Variants in CSMD3 observed in about 807,000 individuals in gnomAD.
The protein encoded by CSMD3 is CUB and sushi domain-containing protein 3.
In CSMD3, 177 loss-of-function variants were observed where a neutral mutation model predicts 435.2. The observed-to-expected ratio is 0.41, with a 90% CI of 0.36 to 0.46. CSMD3 has a LOEUF of 0.46. Among genes scored for constraint, CSMD3 ranks in the 20% least tolerant of loss-of-function variants. The pLI, the probability that CSMD3 is intolerant of heterozygous loss-of-function variation, is 0.34. For synonymous variants in CSMD3, 1,656 were observed against 1,520.5 expected, an observed-to-expected ratio of 1.09 and a Z score of -2.07; for missense variants, 4,265 against 4,504.6, an observed-to-expected ratio of 0.95 and a Z score of 1.52.
At chr8:112,393,391 T>C (rs1830602795) in intron 35 of CSMD3, among the ~76,000 whole-genome samples, 1 of 152,186 alleles carries the variant, frequency 6.6e-6, no homozygotes, top group Non-Finnish European at 1.5e-5. Context: ...AGTGTGAATG[T>C]TACCGCTTCA....
intron 23 of CSMD3, among the ~76,000 whole-genome samples, chr8:112,574,895 T>C (rs893974252): frequency 6.6e-6 from 1 of 151,906 alleles, no homozygotes; most frequent in Non-Finnish European, 1.5e-5. Flanking sequence ...GTAAAAATTA[T>C]GTTGTTGGAT....
chr8:113,325,468 C>T (rs140007938), intron 1 of CSMD3, among the ~76,000 whole-genome samples: 2,013 of 152,240 alleles, frequency 0.013, 21 homozygotes, highest in South Asian at 0.023. Flanking sequence ...TGACTTTCTC[C>T]TCCTTGCCTT....
intron 24 of CSMD3, among the ~76,000 whole-genome samples, chr8:112,558,482 A>G (rs1052963132): frequency 6.6e-6 from 1 of 151,932 alleles, no homozygotes; most frequent in Non-Finnish European, 1.5e-5. Context: ...GAACCGCAGC[A>G]TAAAAACAGA....
intron 14 of CSMD3, among the ~76,000 whole-genome samples, chr8:112,689,457 A>AAGTTAGTG (rs1316590252): frequency 6.6e-6 from 1 of 152,050 alleles, no homozygotes; most frequent in African/African-American, 2.4e-5. Flanking sequence ...AAGCAAAAAT[A>AAGTTAGTG]AGTTAGTGCA....
chr8:113,113,088 C>A (rs1021592109), intron 4 of CSMD3, among the ~76,000 whole-genome samples: 1 of 152,188 alleles, frequency 6.6e-6, no homozygotes, highest in Non-Finnish European at 1.5e-5. Context: ...CAGGAGTTCC[C>A]ACTGCACTAT....
chr8:112,227,755 A>G (rs1812703556), intron 70 of CSMD3, among the ~76,000 whole-genome samples: 1 of 152,162 alleles, frequency 6.6e-6, no homozygotes, highest in African/African-American at 2.4e-5. Context: ...ACCCCAAATG[A>G]AAATATCAAT....
chr8:112,301,178 T>G (rs1820886173), intron 53 of CSMD3, among the ~76,000 whole-genome samples: 1 of 151,994 alleles, frequency 6.6e-6, no homozygotes, highest in South Asian at 2.1e-4. Context: ...AAAAAGGAGA[T>G]AAAGCATAAA....
chr8:112,227,125 T>C (rs976036551), intron 70 of CSMD3, among the ~76,000 whole-genome samples: 3 of 152,112 alleles, frequency 2.0e-5, no homozygotes, highest in Non-Finnish European at 4.4e-5. Context: ...TATACACAAA[T>C]GTGTACAGTA....
At chr8:112,398,979 C>T (rs573390518) in intron 35 of CSMD3, among the ~76,000 whole-genome samples, 9 of 150,828 alleles carry the variant, frequency 6.0e-5, no homozygotes, top group East Asian at 3.9e-4. Context: ...TGCAGTGGTA[C>T]GATCTCGGCT....
At chr8:112,764,069 C>T (rs7845849) in intron 13 of CSMD3, among the ~76,000 whole-genome samples, 48,532 of 151,112 alleles carry the variant, frequency 0.32, 8,407 homozygotes, top group African/African-American at 0.46. Flanking sequence ...GTTTTTAAAA[C>T]GAACCACTTC....
At chr8:112,901,231 G>C (rs566297902) in intron 10 of CSMD3, among the ~76,000 whole-genome samples, 1 of 151,392 alleles carries the variant, frequency 6.6e-6, no homozygotes, top group Non-Finnish European at 1.5e-5. Flanking sequence ...CATGACAATT[G>C]CAGGACCATC....
At chr8:113,311,883 A>G (rs1391837269) in intron 2 of CSMD3, 1 of 152,192 alleles carries the variant, frequency 6.6e-6, no homozygotes, top group Non-Finnish European at 1.5e-5. Context: ...ATGTTAGAAT[A>G]TAGTCTTGTC....
intron 4 of CSMD3, among the ~76,000 whole-genome samples, chr8:113,139,899 G>A (rs761462113): frequency 3.0e-4 from 46 of 151,020 alleles, no homozygotes; most frequent in Non-Finnish European, 3.7e-4. Context: ...TGGAAAACAA[G>A]AGTGGCTATA....
At chr8:112,237,713 T>C (rs1008203534) in intron 66 of CSMD3, among the ~76,000 whole-genome samples, 4 of 152,138 alleles carry the variant, frequency 2.6e-5, no homozygotes, top group Admixed American at 6.5e-5. Context: ...AGTAAAACTA[T>C]ACCCAAGTCC....
rs538034830 is a variant in CSMD3 at position 112,762,999 on chromosome 8, T to C, written c.1972+37163A>G. On this transcript the variant is annotated intron_variant, in intron 13 of 70. Coordinates refer to ENST00000297405, the MANE Select transcript of CSMD3 (RefSeq NM_198123.2). ...AGCGATGTATTGTACCTGATGACTA[T>C]AGGTATTAACAATATTTCTAGAAAA... Among the ~76,000 whole-genome samples the C allele has an allele frequency of 7.9e-5, 12 of 151,820 alleles. No homozygotes were observed. In the East Asian group the frequency reaches 1.9e-3, roughly 24 times the overall value.
intron 10 of CSMD3, among the ~76,000 whole-genome samples, chr8:112,919,744 G>A (rs1024895537): frequency 3.3e-5 from 5 of 151,714 alleles, no homozygotes. Flanking sequence ...TGTGTAATCA[G>A]TAAAATAGAA....
intron 59 of CSMD3, among the ~76,000 whole-genome samples, chr8:112,273,443 T>C (rs1440309866): frequency 6.6e-6 from 1 of 152,010 alleles, no homozygotes; most frequent in Non-Finnish European, 1.5e-5. Context: ...TAGTTTAAAA[T>C]TGAGTTGGAC....
At chr8:113,364,244 ATTT>A (rs74614093) in intron 1 of CSMD3, among the ~76,000 whole-genome samples, 3 of 145,378 alleles carry the variant, frequency 2.1e-5, no homozygotes, top group East Asian at 2.0e-4. Flanking sequence ...ATTAGACTAA[ATTT>A]TTTTTTTTTT....
intron 12 of CSMD3, among the ~76,000 whole-genome samples, chr8:112,807,777 G>T (rs2079127749): frequency 6.6e-6 from 1 of 152,090 alleles, no homozygotes; most frequent in Non-Finnish European, 1.5e-5. Flanking sequence ...AAATGTAACA[G>T]ATTGTAAACT....
Sources: gnomAD v4.1 joint callset for allele counts (sites outside exome capture counted in the v4.1 genomes callset) on GRCh38, gnomAD v4.1.1 for gene constraint, MANE v1.5 for transcripts, NCBI Gene and HGNC (gene_info 2026-07-23, HGNC 2026-07-21) for gene names.